The following NR3C1 variants were observed in gnomAD, a reference collection of about 807,000 sequenced individuals.
NR3C1 encodes the protein glucocorticoid receptor.
Under a neutral mutation model 74.0 loss-of-function variants are expected in NR3C1, and 14 were observed. The ratio of observed to expected loss-of-function variants is 0.19; its 90% CI spans 0.12 to 0.30. The LOEUF is 0.30. Ranked by LOEUF, NR3C1 falls within the 10% of genes least tolerant of loss-of-function variation. The probability of loss-of-function intolerance (pLI) is 1.00; values close to 1 mark genes in which losing one functional copy is unlikely to be tolerated. For missense variants in NR3C1, 695 were observed against 909.8 expected, an observed-to-expected ratio of 0.76 and a Z score of 3.04; for synonymous variants, 308 against 332.5, an observed-to-expected ratio of 0.93 and a Z score of 0.80.
intron 2 of NR3C1, among the ~76,000 whole-genome samples, chr5:143,339,373 C>T (rs142757510): frequency 0.016 from 2,500 of 152,318 alleles, 26 homozygotes; most frequent in Middle Eastern, 0.041. Flanking sequence ...AGCTGGTTCT[C>T]TAATTCTCTT....
chr5:143,333,366 G>A (rs552386121), intron 2 of NR3C1: 3 of 640,276 alleles, frequency 4.7e-6, no homozygotes, highest in Admixed American at 4.9e-5. Context: ...GAGGAAAGAG[G>A]AGGCTGGTAC....
At chr5:143,408,141 T>C (rs1841176660), upstream of NR3C1, among the ~76,000 whole-genome samples, 1 of 152,234 alleles carries the variant, frequency 6.6e-6, no homozygotes, top group South Asian at 2.1e-4. Flanking sequence ...TGGAGTTCCA[T>C]GTCTTCTTTA....
At chr5:143,295,107 A>C in intron 7 of NR3C1, 1 of 985,372 alleles carries the variant, frequency 1.0e-6, no homozygotes, top group Non-Finnish European at 1.2e-6. Context: ...AAAATTTTTA[A>C]CCAAATAACA....
upstream of NR3C1, chr5:143,404,202 GCGC>G (rs997931393): frequency 4.2e-5 from 41 of 985,254 alleles, no homozygotes; most frequent in South Asian, 4.7e-5. Context: ...TGAGTGGCCC[GCGC>G]CGCCGCCGCC....
chr5:143,347,927 C>T (rs939901760), intron 2 of NR3C1, among the ~76,000 whole-genome samples: 2 of 152,250 alleles, frequency 1.3e-5, no homozygotes, highest in Middle Eastern at 3.4e-3. Flanking sequence ...TTTTTAAGTA[C>T]ACATTCCAGT....
chr5:143,339,945 A>T (rs1312907969), intron 2 of NR3C1, among the ~76,000 whole-genome samples: 1 of 152,220 alleles, frequency 6.6e-6, no homozygotes, highest in Non-Finnish European at 1.5e-5. Flanking sequence ...CCAGAAGGGG[A>T]AGACAATGAA....
intron 2 of NR3C1, among the ~76,000 whole-genome samples, chr5:143,376,200 T>A (rs2151870660): frequency 6.6e-6 from 1 of 151,412 alleles, no homozygotes; most frequent in East Asian, 1.9e-4. Context: ...CACACAAGGG[T>A]AGTGGGAGAA....
chr5:143,403,080 GC>G (rs1180490735), intron 1 of NR3C1, 130 bp downstream of exon 1: 1 of 764,906 alleles, frequency 1.3e-6, no homozygotes, highest in Non-Finnish European at 1.6e-6. Flanking sequence ...GCCCTTGCCA[GC>G]CCCCCACCCC....
At chr5:143,359,379 T>G (rs542744045) in intron 2 of NR3C1, among the ~76,000 whole-genome samples, 1 of 152,230 alleles carries the variant, frequency 6.6e-6, no homozygotes, top group African/African-American at 2.4e-5. Context: ...CATACTTGAG[T>G]GCCTACAATG....
intron 2 of NR3C1, among the ~76,000 whole-genome samples, chr5:143,350,399 C>T (rs1221957954): frequency 6.6e-6 from 1 of 152,014 alleles, no homozygotes; most frequent in Admixed American, 6.6e-5. Context: ...AAATTATGTG[C>T]ACAGAGAGGG....
intron 2 of NR3C1, among the ~76,000 whole-genome samples, chr5:143,392,718 T>C (rs1206845827): frequency 6.6e-6 from 1 of 152,136 alleles, no homozygotes; most frequent in Non-Finnish European, 1.5e-5. Flanking sequence ...TGTCACATAA[T>C]TGGTGCTTAA....
chr5:143,309,709 G>A (rs1191854301), intron 4 of NR3C1, among the ~76,000 whole-genome samples: 1 of 151,798 alleles, frequency 6.6e-6, no homozygotes, highest in East Asian at 1.9e-4. Flanking sequence ...CTTTTAAAAG[G>A]CAAACAGAAA....
At chr5:143,384,183 G>T (rs185483525) in intron 2 of NR3C1, among the ~76,000 whole-genome samples, 1 of 152,142 alleles carries the variant, frequency 6.6e-6, no homozygotes, top group African/African-American at 2.4e-5. Context: ...GAGAACTCAC[G>T]ATCATGAGAA....
At chr5:143,356,889 G>A (rs1376337013) in intron 2 of NR3C1, among the ~76,000 whole-genome samples, 1 of 152,154 alleles carries the variant, frequency 6.6e-6, no homozygotes, top group Non-Finnish European at 1.5e-5. Context: ...GAGTACACAC[G>A]TTATTTCTAA....
chr5:143,390,001 T>C, intron 2 of NR3C1: 2 of 811,758 alleles, frequency 2.5e-6, no homozygotes, highest in Non-Finnish European at 3.0e-6. Flanking sequence ...CTAAAAAATC[T>C]AAAGTTCTTA....
chr5:143,332,758 T>C, intron 2 of NR3C1: 1 of 1,587,606 alleles, frequency 6.3e-7, no homozygotes, highest in South Asian at 1.1e-5. Context: ...AAACATTCCT[T>C]GGCCTTTGTT....
intron 1 of NR3C1, among the ~76,000 whole-genome samples, chr5:143,414,741 G>A (rs1841424605): frequency 6.6e-6 from 1 of 152,160 alleles, no homozygotes. Context: ...ATTAGGGAAA[G>A]GATGAAGTGT....
intron 1 of NR3C1, among the ~76,000 whole-genome samples, chr5:143,428,604 CT>C (rs1262645994): frequency 2.0e-5 from 3 of 152,202 alleles, no homozygotes; most frequent in South Asian, 2.1e-4. Flanking sequence ...CAGCACATCC[CT>C]TTGTTTAAGT....
intron 2 of NR3C1, among the ~76,000 whole-genome samples, chr5:143,371,410 A>T (rs963231739): frequency 6.6e-5 from 10 of 152,194 alleles, no homozygotes; most frequent in Non-Finnish European, 1.2e-4. Flanking sequence ...TTCATATTTC[A>T]TATCATTCTT....
Sources: allele counts gnomAD v4.1 joint callset (sites outside exome capture counted in the v4.1 genomes callset), GRCh38; gene constraint gnomAD v4.1.1; transcripts MANE v1.5; gene names NCBI Gene and HGNC (gene_info 2026-07-23, HGNC 2026-07-21).